The following CERS5 variants were observed in gnomAD, a reference collection of about 807,000 sequenced individuals.
The protein encoded by CERS5 is ceramide synthase 5.
CERS5 carries 37 observed loss-of-function variants against 58.9 expected under a neutral mutation model. The observed-to-expected ratio is 0.63, with a 90% CI of 0.48 to 0.83. CERS5 has a LOEUF of 0.83. Ranked by LOEUF, CERS5 falls within the 40% of genes least tolerant of loss-of-function variation. CERS5 has a pLI of 0.00. For synonymous variants in CERS5, 147 were observed against 177.8 expected (o/e 0.83, Z 1.38); for missense variants, 398 against 489.3 (o/e 0.81, Z 1.76).
At chr12:50,166,459 A>C (rs1419815206) in intron 1 of CERS5, 1 of 154,448 alleles carries the variant, frequency 6.5e-6, no homozygotes, top group African/African-American at 2.4e-5. Flanking sequence ...CCTGTTCTGC[A>C]ACTAATCTGA....
intron 1 of CERS5, among the ~76,000 whole-genome samples, chr12:50,162,696 C>T (rs368084024): frequency 2.0e-5 from 3 of 151,810 alleles, no homozygotes; most frequent in African/African-American, 7.3e-5. Context: ...CTCCACCTCC[C>T]GGGTTCAAGA....
Position 50,141,939 on chromosome 12 carries a change from CAAAAAAAAAAA to C in CERS5, c.492+103_492+113del, listed in dbSNP as rs35739493. 2.7e-5 allele frequency: 11 copies of C among 409,096 alleles called. No individual in the cohort carries two copies. In the East Asian group the frequency reaches 3.4e-4, roughly 13 times the overall value. The allele number at this position is 409,096 out of a possible 1,614,324, so 25.3% of individuals were successfully genotyped here. The stretch of plus-strand genomic sequence containing the variant: ...TGGGTGACAGAGCAAGACTCCGTCT[CAAAAAAAAAAA>C]AAAAAAAAGAAAAGAAAAAAATCTA... On this transcript the variant is annotated intron_variant, in intron 4 of 9. Coordinates refer to ENST00000317551, the MANE Select transcript of CERS5 (RefSeq NM_147190.5).
chr12:50,138,515 C>T, intron 5 of CERS5, 52 bp downstream of exon 5: 5 of 1,485,892 alleles, frequency 3.4e-6, no homozygotes, highest in Non-Finnish European at 4.7e-6. Context: ...CCCTCACTCA[C>T]TCCACCTTAT....
intron 5 of CERS5, among the ~76,000 whole-genome samples, chr12:50,138,311 T>C (rs1951793797): frequency 6.6e-6 from 1 of 151,548 alleles, no homozygotes; most frequent in Non-Finnish European, 1.5e-5. Context: ...TAGGGGGAAT[T>C]AAATGGGGAA....
At chr12:50,131,502 T>A (rs1951318025) in intron 9 of CERS5, among the ~76,000 whole-genome samples, 1 of 136,020 alleles carries the variant, frequency 7.4e-6, no homozygotes. Context: ...GAGGTTGCAG[T>A]GAGCTGAGAT....
At chr12:50,149,821 C>G (rs1937745159) in intron 1 of CERS5, among the ~76,000 whole-genome samples, 1 of 152,134 alleles carries the variant, frequency 6.6e-6, no homozygotes, top group African/African-American at 2.4e-5. Flanking sequence ...CTCACTGCAA[C>G]CTCCGCCTCC....
chr12:50,157,835 C>T lies in CERS5; in HGVS notation c.197+9266G>A, dbSNP rs533243693. On this transcript the variant is annotated intron_variant, in intron 1 of 9. Transcript: ENST00000317551. ...CAGTAATCTCAGCACTTTGGAAGGC[C>T]GAGGTGGAAGCATCACTTGAGCTCA... Among the ~76,000 whole-genome samples the T allele has an allele frequency of 3.3e-5, 5 of 152,052 alleles. No homozygotes were observed. In the East Asian group the frequency reaches 9.6e-4, roughly 29 times the overall value.
chr12:50,153,255 G>A (rs6580729), intron 1 of CERS5, among the ~76,000 whole-genome samples: 40,893 of 142,986 alleles, frequency 0.29, 7,051 homozygotes, highest in Middle Eastern at 0.42. Context: ...GTTATAATGA[G>A]ATAAACTAAT....
Position 50,149,995 on chromosome 12 carries a change from G to A in CERS5, c.198-5938C>T, listed in dbSNP as rs540864838. On this transcript the variant is annotated intron_variant, in intron 1 of 9. Coordinates refer to ENST00000317551, the MANE Select transcript of CERS5 (RefSeq NM_147190.5). Reference sequence around the variant, plus strand: ...TGACCTCAAGTGATCTGCCTGCCTCGCCTCCCAAAGTGCTGGGATTACAGG... The same window carrying A: ...TGACCTCAAGTGATCTGCCTGCCTCACCTCCCAAAGTGCTGGGATTACAGG... Among the ~76,000 whole-genome samples, 6 of 152,244 alleles carry A rather than the reference G, an allele frequency of 3.9e-5. No homozygotes were observed. The South Asian group carries it at 1.2e-3, about 32-fold the overall frequency.
chr12:50,162,858 C>A (rs546929977), intron 1 of CERS5, among the ~76,000 whole-genome samples: 10 of 152,272 alleles, frequency 6.6e-5, no homozygotes, highest in African/African-American at 1.9e-4. Flanking sequence ...CCCGTCTCAG[C>A]CTCCCAAAGT....
At chr12:50,134,172 G>A (rs1951499463) in intron 9 of CERS5, 2 of 292,670 alleles carry the variant, frequency 6.8e-6, no homozygotes, top group Non-Finnish European at 6.6e-6. Flanking sequence ...CTTGAGGCCA[G>A]TAGTTGGACA....
chr12:50,146,461 C>A lies in CERS5; in HGVS notation c.198-2404G>T, dbSNP rs75788531. 1.6e-3 allele frequency among the ~76,000 whole-genome samples: 239 copies of A among 152,258 alleles called. 3 individuals are homozygous for A. Among genetic ancestry groups the A allele is most frequent in the Non-Finnish European group, 1.6e-3 (106 of 68,026 alleles). The stretch of plus-strand genomic sequence containing the variant: ...TATCTGGATCATGGAGTGGACTTAA[C>A]AATCTAGAATTGTCATTAGCTCACA... On this transcript the variant is annotated intron_variant, in intron 1 of 9. Coordinates refer to ENST00000317551, the MANE Select transcript of CERS5 (RefSeq NM_147190.5).
chr12:50,132,931 C>T (rs1951414138), intron 9 of CERS5: 1 of 1,288,368 alleles, frequency 7.8e-7, no homozygotes, highest in Non-Finnish European at 1.0e-6. Context: ...GGACATGCCT[C>T]ACTGAATACT....
intron 1 of CERS5, among the ~76,000 whole-genome samples, chr12:50,156,502 G>A (rs1006924185): frequency 5.4e-5 from 8 of 148,978 alleles, no homozygotes; most frequent in African/African-American, 2.0e-4. Context: ...AGGCTGAGGT[G>A]GGAGGATTGT....
At chr12:50,137,636 CAG>C (rs1380343803) in intron 6 of CERS5, 90 bp downstream of exon 6, 6 of 707,202 alleles carry the variant, frequency 8.5e-6, no homozygotes, top group Non-Finnish European at 1.5e-5. Context: ...TTTGCAGTCT[CAG>C]GGAAGATAAT....
At chr12:50,159,181 T>C (rs1387987009) in intron 1 of CERS5, among the ~76,000 whole-genome samples, 3 of 151,570 alleles carry the variant, frequency 2.0e-5, no homozygotes, top group Non-Finnish European at 2.9e-5. Flanking sequence ...ATTAGCCGGG[T>C]GTGGTGGCGG....
chr12:50,136,121 A>C, intron 6 of CERS5, 52 bp from the exon 7 acceptor site: 1 of 1,428,158 alleles, frequency 7.0e-7, no homozygotes, highest in Non-Finnish European at 9.3e-7. Context: ...CCCTAGAAAC[A>C]CCAGCCAACC....
In CERS5 at chr12:50,143,201, G is replaced by A. The variant is rs758656641; in HGVS notation, c.307C>T (p.Pro103Ser). The change falls in exon 3 of 10, where the codon CCT (proline) becomes TCT (serine). Residue 103 changes from proline (P) to serine (S), a missense_variant. Coordinates refer to ENST00000317551, the MANE Select transcript of CERS5 (RefSeq NM_147190.5). ...AGGCCCTCCAGCCTTTTCTTATCAGGATACTGTGAATGTATAACCAGAGTC... is the reference window on the plus strand; with the variant it reads ...AGGCCCTCCAGCCTTTTCTTATCAGAATACTGTGAATGTATAACCAGAGTC... ...EKVFISITKY[P>S]DKKRLEGLSK... 3 of 1,613,986 alleles carry A rather than the reference G, an allele frequency of 1.9e-6. No homozygotes were observed. Among genetic ancestry groups the A allele is most frequent in the South Asian group, 2.2e-5 (2 of 91,058 alleles).
At chr12:50,160,304 C>CAA (rs754917459) in intron 1 of CERS5, among the ~76,000 whole-genome samples, 80 of 84,584 alleles carry the variant, frequency 9.5e-4, no homozygotes, top group South Asian at 4.7e-3. Context: ...GACTCTGTCT[C>CAA]AAAAAAAAAA....
Sources: gnomAD v4.1 joint callset for allele counts (sites outside exome capture counted in the v4.1 genomes callset) on GRCh38, gnomAD v4.1.1 for gene constraint, MANE v1.5 for transcripts, NCBI Gene and HGNC (gene_info 2026-07-23, HGNC 2026-07-21) for gene names.